ARHGAP22: variants seen among roughly 807,000 people sequenced by gnomAD.
ARHGAP22 encodes Rho GTPase activating protein 22.
In ARHGAP22, 48 loss-of-function variants were observed where a neutral mutation model predicts 59.1. That is an observed-to-expected ratio of 0.81 (90% confidence interval 0.64 to 1.03). The LOEUF (loss-of-function observed/expected upper bound fraction) is 1.03. Ranked by LOEUF, ARHGAP22 falls within the 50% of genes least tolerant of loss-of-function variation. The pLI is 0.00. For missense variants in ARHGAP22, 1,015 were observed against 958.7 expected (o/e 1.06, Z -0.78); for synonymous variants, 445 against 416.4 (o/e 1.07, Z -0.84).
chr10:48,556,285 G>GACACTAACTC (rs5784761), intron 2 of ARHGAP22, among the ~76,000 whole-genome samples: 23,182 of 152,080 alleles, frequency 0.15, 1,856 homozygotes, highest in Admixed American at 0.23. Context: ...TGCACAATGG[G>GACACTAACTC]ACATGTCTCA....
intron 3 of ARHGAP22, among the ~76,000 whole-genome samples, chr10:48,547,226 G>A (rs956962500): frequency 3.9e-5 from 6 of 152,242 alleles, no homozygotes; most frequent in Non-Finnish European, 8.8e-5. Flanking sequence ...GGCAACATCT[G>A]CATCCGCGTG....
At chr10:48,613,288 G>A (rs754887790) in intron 1 of ARHGAP22, among the ~76,000 whole-genome samples, 2 of 152,156 alleles carry the variant, frequency 1.3e-5, no homozygotes, top group Non-Finnish European at 1.5e-5. Flanking sequence ...TTTCTTGGAG[G>A]TCACTGATGA....
the ARHGAP22 span, chr10:48,437,087 A>G: frequency 6.6e-6 from 1 of 152,240 alleles, no homozygotes; most frequent in Non-Finnish European, 1.5e-5. Context: ...AAGGAAAACC[A>G]GGTGTGTGTC....
chr10:48,560,140 A>G (rs2057591289), intron 2 of ARHGAP22, among the ~76,000 whole-genome samples: 1 of 152,190 alleles, frequency 6.6e-6, no homozygotes, highest in African/African-American at 2.4e-5. Context: ...TTAGAACTCC[A>G]ACTTAATTAT....
chr10:48,581,966 C>T (rs1443753740), intron 2 of ARHGAP22, among the ~76,000 whole-genome samples: 1 of 152,148 alleles, frequency 6.6e-6, no homozygotes, highest in Non-Finnish European at 1.5e-5. Context: ...AAGGAGGATC[C>T]AAGTGTTTGA....
chr10:48,434,090 T>C, the ARHGAP22 span, among the ~76,000 whole-genome samples: 1 of 152,256 alleles, frequency 6.6e-6, no homozygotes, highest in Non-Finnish European at 1.5e-5. Flanking sequence ...AGAGGATTTC[T>C]GTCTCGAGCT....
intron 3 of ARHGAP22, among the ~76,000 whole-genome samples, chr10:48,554,201 C>A (rs1477530374): frequency 6.6e-6 from 1 of 152,212 alleles, no homozygotes; most frequent in East Asian, 1.9e-4. Context: ...TGCACTTCAA[C>A]TTTTGCCTGT....
chr10:48,642,654 A>T (rs1310307282), intron 1 of ARHGAP22, among the ~76,000 whole-genome samples: 2 of 152,200 alleles, frequency 1.3e-5, no homozygotes, highest in African/African-American at 4.8e-5. Context: ...AACCTAGGCA[A>T]TACCATTCAG....
At chr10:48,459,137 T>C (rs1589482828) in intron 5 of ARHGAP22, among the ~76,000 whole-genome samples, 1 of 145,708 alleles carries the variant, frequency 6.9e-6, no homozygotes, top group South Asian at 2.2e-4. Flanking sequence ...GCTGGGGGTA[T>C]AGTTGGCTCC....
chr10:48,521,381 C>T (rs1336483216), intron 3 of ARHGAP22, among the ~76,000 whole-genome samples: 2 of 152,222 alleles, frequency 1.3e-5, no homozygotes, highest in African/African-American at 2.4e-5. Context: ...ATGACACCTA[C>T]TAATGTGGCT....
intron 1 of ARHGAP22, among the ~76,000 whole-genome samples, chr10:48,645,940 T>C (rs1228127981): frequency 2.0e-5 from 3 of 152,178 alleles, no homozygotes; most frequent in African/African-American, 4.8e-5. Context: ...TGATACTGTG[T>C]TTGGAAAATT....
chr10:48,561,399 A>G (rs1320773957), intron 2 of ARHGAP22, among the ~76,000 whole-genome samples: 1 of 152,184 alleles, frequency 6.6e-6, no homozygotes, highest in Non-Finnish European at 1.5e-5. Flanking sequence ...AGACTATAAA[A>G]CTTCTAGTAG....
At chr10:48,569,119 G>GAA (rs532270554) in intron 2 of ARHGAP22, among the ~76,000 whole-genome samples, 78 of 152,360 alleles carry the variant, frequency 5.1e-4, no homozygotes, top group African/African-American at 1.8e-3. Context: ...GGGAGGCCCT[G>GAA]AAACTAGTGC....
intron 7 of ARHGAP22, 92 bp from the exon 8 acceptor site, chr10:48,453,517 G>T: frequency 6.4e-7 from 1 of 1,569,066 alleles, no homozygotes; most frequent in Non-Finnish European, 8.7e-7. Context: ...CACCCCTGCT[G>T]AGCCCTGCTG....
intron 3 of ARHGAP22, among the ~76,000 whole-genome samples, chr10:48,504,029 C>T (rs6537565): frequency 0.23 from 35,675 of 152,112 alleles, 7,286 homozygotes; most frequent in East Asian, 0.59. Flanking sequence ...AGGAAGCTAT[C>T]CCAGGGAGAA....
At chr10:48,432,411 A>G in the ARHGAP22 span, among the ~76,000 whole-genome samples, 12 of 152,194 alleles carry the variant, frequency 7.9e-5, no homozygotes, top group Non-Finnish European at 1.3e-4. Flanking sequence ...CAAGAATGCA[A>G]TCTTCCAGAT....
chr10:48,453,266 G>A (rs1055085214), intron 8 of ARHGAP22, 38 bp downstream of exon 8: 9 of 1,610,690 alleles, frequency 5.6e-6, no homozygotes, highest in East Asian at 2.2e-5. Flanking sequence ...CCCAGACCCC[G>A]GCAGCACCCA....
At chr10:48,569,883 C>T (rs1020079097) in intron 2 of ARHGAP22, among the ~76,000 whole-genome samples, 6 of 152,174 alleles carry the variant, frequency 3.9e-5, no homozygotes, top group Non-Finnish European at 7.3e-5. Flanking sequence ...AACTTGATTT[C>T]CTTTTCCTAG....
intron 3 of ARHGAP22, among the ~76,000 whole-genome samples, chr10:48,515,123 T>C (rs2053163408): frequency 6.6e-6 from 1 of 152,126 alleles, no homozygotes; most frequent in African/African-American, 2.4e-5. Context: ...ATGGAATAAA[T>C]ACTCCAACAA....
Sources: gnomAD v4.1 joint callset for allele counts (sites outside exome capture counted in the v4.1 genomes callset) on GRCh38, gnomAD v4.1.1 for gene constraint, MANE v1.5 for transcripts, NCBI Gene and HGNC (gene_info 2026-07-23, HGNC 2026-07-21) for gene names.